PPDPFL: variants seen among roughly 807,000 people sequenced by gnomAD.
PPDPFL encodes the protein pancreatic progenitor cell differentiation and proliferation factor-like protein.
In PPDPFL, 12 loss-of-function variants were observed where a neutral mutation model predicts 12.6. That is an observed-to-expected ratio of 0.95 (90% confidence interval 0.61 to 1.54). The LOEUF is 1.54. Among genes scored for constraint, PPDPFL ranks in the 40% most tolerant of loss-of-function variants. The pLI, the probability that PPDPFL is intolerant of heterozygous loss-of-function variation, is 0.00. For missense variants in PPDPFL, 114 were observed against 96.0 expected, an observed-to-expected ratio of 1.19 and a Z score of -0.78; for synonymous variants, 24 against 32.7, an observed-to-expected ratio of 0.73 and a Z score of 0.91.
At chr8:49,074,034 G>A (rs369545134) in intron 2 of PPDPFL, 25 bp from the exon 3 acceptor site, 3 of 1,528,580 alleles carry the variant, frequency 2.0e-6, no homozygotes, top group African/African-American at 2.7e-5. Context: ...TTATTTATTT[G>A]TTTAATATCA....
rs1234634632 is a variant in PPDPFL, at chr8:49,075,467, G to A, written c.*294G>A. The stretch of plus-strand genomic sequence containing the variant: ...CGCTGGAAGTGGCACTTGCTACCTG[G>A]TGCATCTTTGAAAAGTGTGCCTTTA... On this transcript the variant is annotated 3_prime_UTR_variant, in exon 5 of 5. Transcript: ENST00000522267. 1.0e-5 allele frequency: 6 copies of A among 602,244 alleles called. No homozygotes were observed. Among genetic ancestry groups the A allele is most frequent in the South Asian group, 8.1e-5 (4 of 49,302 alleles). The allele number at this position is 602,244 out of a possible 1,614,324, so 37.3% of individuals were successfully genotyped here. A position where few individuals can be genotyped will look rare whatever the true frequency, so the allele number is the denominator to read the frequency against.
In PPDPFL at chr8:49,059,625, C is replaced by T. The variant is rs569862721; in HGVS notation, c.-45+5256C>T. 1.1e-4 allele frequency among the ~76,000 whole-genome samples: 16 copies of T among 152,286 alleles called. No individual in the cohort carries two copies. The South Asian group carries it at 3.3e-3, about 32-fold the overall frequency. On this transcript the variant is annotated intron_variant, in intron 1 of 4. Coordinates refer to the PPDPFL transcript ENST00000517663. ...TGTAATTACCTAAAATTCCATACCT[C>T]TTTGCATGTTTTTGTGATTGAGTGT... is the stretch of plus-strand genomic sequence containing the variant.
rs866942819 is a variant in PPDPFL at position 49,074,601 on chromosome 8, G to A, written c.233+268G>A. The A allele has an allele frequency of 1.0e-5, 16 of 1,535,950 alleles. 1 individual carries two copies. In the Middle Eastern group the frequency reaches 6.7e-4, roughly 64 times the overall value. On this transcript the variant is annotated intron_variant, in intron 4 of 4. Transcript: ENST00000522267. ...TGCCAAACTGTGTCATTGTTTGGCGGGGGATGGACTGAGAATCAGAGGAAA... is the reference window on the plus strand; with the variant it reads ...TGCCAAACTGTGTCATTGTTTGGCGAGGGATGGACTGAGAATCAGAGGAAA...
At chr8:49,069,736 A>G (rs747550000), upstream of PPDPFL, among the ~76,000 whole-genome samples, 4 of 152,190 alleles carry the variant, frequency 2.6e-5, no homozygotes, top group African/African-American at 4.8e-5. Flanking sequence ...GGAGCTGGAG[A>G]CCATCCTGGC....
Position 49,075,536 on chromosome 8 carries a change from G to T in PPDPFL, c.*363G>T. 2.1e-6 allele frequency: 1 copy of T among 485,278 alleles called. No homozygotes were observed. The highest frequency in any genetic ancestry group is 3.7e-6 in the Non-Finnish European group (1 of 272,386). The allele number at this position is 485,278 out of a possible 1,614,324, so 30.1% of individuals were successfully genotyped here. A position where few individuals can be genotyped will look rare whatever the true frequency, so the allele number is the denominator to read the frequency against. On this transcript the variant is annotated 3_prime_UTR_variant, in exon 5 of 5. Coordinates refer to ENST00000522267, the MANE Select transcript of PPDPFL (RefSeq NM_001256597.2). ...AAAGTAATATGTCTTCAAATGTTGTGACTTACATAAAGTAGCTCTTTCATT... is the reference window on the plus strand; with the variant it reads ...AAAGTAATATGTCTTCAAATGTTGTTACTTACATAAAGTAGCTCTTTCATT...
intron 1 of PPDPFL, among the ~76,000 whole-genome samples, chr8:49,059,785 C>T (rs889842709): frequency 6.6e-6 from 1 of 152,188 alleles, no homozygotes; most frequent in African/African-American, 2.4e-5. Context: ...ATAAAACTAT[C>T]TTACTATGTT....
upstream of PPDPFL, among the ~76,000 whole-genome samples, chr8:49,069,024 A>G (rs888075345): frequency 2.0e-5 from 3 of 152,188 alleles, no homozygotes; most frequent in African/African-American, 7.2e-5. Context: ...ATACAAAAAG[A>G]TATACTTTAT....
chr8:49,074,713 T>C, intron 4 of PPDPFL: 3 of 1,459,302 alleles, frequency 2.1e-6, no homozygotes, highest in Non-Finnish European at 2.7e-6. Context: ...ATAACACTGC[T>C]GATTTTGATT....
At chr8:49,068,485 C>T (rs1808333212), upstream of PPDPFL, among the ~76,000 whole-genome samples, 1 of 152,140 alleles carries the variant, frequency 6.6e-6, no homozygotes. Flanking sequence ...TGACAGAATG[C>T]ACATGGAATG....
In PPDPFL at chr8:49,063,240, T is replaced by C. The variant is rs572397382; in HGVS notation, c.-45+8871T>C. Among the ~76,000 whole-genome samples the C allele has an allele frequency of 2.0e-5, 3 of 152,294 alleles. No homozygotes were observed. The East Asian group carries it at 5.8e-4, about 29-fold the overall frequency. The stretch of plus-strand genomic sequence containing the variant: ...GTAAAATTCACATGGGCACAATCCA[T>C]GGCTGGCAGAACAATCATTTTGGTC... On this transcript the variant is annotated intron_variant, in intron 1 of 4. Transcript: ENST00000517663.
intron 1 of PPDPFL, among the ~76,000 whole-genome samples, chr8:49,055,549 A>G (rs980970988): frequency 6.6e-6 from 1 of 152,138 alleles, no homozygotes; most frequent in African/African-American, 2.4e-5. Context: ...TTGGTTTTAA[A>G]TATGATATTA....
chr8:49,072,722 G>A, intron 1 of PPDPFL, 65 bp from the exon 2 acceptor site: 1 of 709,420 alleles, frequency 1.4e-6, no homozygotes, highest in Admixed American at 2.9e-5. Flanking sequence ...ACAGTCACGT[G>A]GAAAAAAGAA....
At chr8:49,074,761 T>G in intron 4 of PPDPFL, 2 of 1,438,316 alleles carry the variant, frequency 1.4e-6, no homozygotes, top group Non-Finnish European at 1.8e-6. Flanking sequence ...CAGGTTGAAT[T>G]GGGAGTTTGT....
chr8:49,064,090 T>C (rs541616112), intron 1 of PPDPFL, among the ~76,000 whole-genome samples: 4 of 152,232 alleles, frequency 2.6e-5, no homozygotes, highest in African/African-American at 9.6e-5. Context: ...TGCTCTAAAC[T>C]AGCCAGACAA....
chr8:49,056,328 T>G (rs2129243198), intron 1 of PPDPFL, among the ~76,000 whole-genome samples: 1 of 152,306 alleles, frequency 6.6e-6, no homozygotes, highest in South Asian at 2.1e-4. Context: ...ATGTTTGAAT[T>G]TGGTCCTTCT....
At chr8:49,066,658 T>A (rs919043663) in intron 1 of PPDPFL, among the ~76,000 whole-genome samples, 1 of 152,060 alleles carries the variant, frequency 6.6e-6, no homozygotes, top group Non-Finnish European at 1.5e-5. Context: ...TACTGTAATA[T>A]TATGTTGTTT....
chr8:49,068,274 T>C (rs939909658), upstream of PPDPFL, among the ~76,000 whole-genome samples: 16 of 152,184 alleles, frequency 1.1e-4, no homozygotes, highest in African/African-American at 1.7e-4. Context: ...AGTAGTGTTA[T>C]GATTCAAAGA....
At chr8:49,062,020 G>A (rs566514868) in intron 1 of PPDPFL, among the ~76,000 whole-genome samples, 4 of 151,536 alleles carry the variant, frequency 2.6e-5, no homozygotes, top group South Asian at 2.1e-4. Flanking sequence ...GTCCTTGCTG[G>A]ATCTACACCT....
chr8:49,060,396 C>G (rs998836320), intron 1 of PPDPFL, among the ~76,000 whole-genome samples: 1 of 152,080 alleles, frequency 6.6e-6, no homozygotes, highest in Admixed American at 6.6e-5. Context: ...TCACCTCAAC[C>G]TCCGCCTCCT....
Sources: gnomAD v4.1 joint callset for allele counts (sites outside exome capture counted in the v4.1 genomes callset) on GRCh38, gnomAD v4.1.1 for gene constraint, MANE v1.5 for transcripts, NCBI Gene and HGNC (gene_info 2026-07-23, HGNC 2026-07-21) for gene names.